HACD4: variants seen among roughly 807,000 people sequenced by gnomAD.
HACD4 encodes the protein very-long-chain (3R)-3-hydroxyacyl-CoA dehydratase 4.
A neutral mutation model predicts 33.3 loss-of-function variants in HACD4; 35 were observed. The ratio of observed to expected loss-of-function variants is 1.05; its 90% CI spans 0.80 to 1.39. The LOEUF is 1.39. Among genes scored for constraint, HACD4 ranks in the 40% most tolerant of loss-of-function variants. HACD4 has a pLI of 0.00. For missense variants in HACD4, 323 were observed against 276.5 expected, an observed-to-expected ratio of 1.17 and a Z score of -1.19; for synonymous variants, 118 against 98.0, an observed-to-expected ratio of 1.20 and a Z score of -1.21.
chr9:21,019,847 T>G (rs144502818), intron 3 of HACD4, among the ~76,000 whole-genome samples: 184 of 136,602 alleles, frequency 1.3e-3, no homozygotes, highest in Middle Eastern at 3.6e-3. Context: ...GAAAAATCTA[T>G]GTGATTTTAA....
At position 21,001,873 on chromosome 9, in the gene HACD4, AG is replaced by A. The variant is rs751395938; in HGVS notation, c.*5163del. 4 of 152,184 alleles carry A rather than the reference AG, an allele frequency of 2.6e-5. No homozygotes were observed. Among genetic ancestry groups the A allele is most frequent in the East Asian group, 1.9e-4 (1 of 5,202 alleles). 9.4% of individuals were successfully genotyped at this position (152,184 alleles called of 1,614,324 possible). ...ACCTGCCCCTGCCAGAAATGCTAAT[AG>A]GGGTCCTGCAAGTTGAAATGGAAAG... On this transcript the variant is annotated 3_prime_UTR_variant, in exon 7 of 7. Transcript: ENST00000495827.
intron 4 of HACD4, among the ~76,000 whole-genome samples, chr9:21,014,606 G>A (rs1031242911): frequency 2.6e-5 from 4 of 152,152 alleles, no homozygotes; most frequent in African/African-American, 7.2e-5. Context: ...TCTTTTATGG[G>A]TGATCAAAAT....
In HACD4 at chr9:21,008,091, G is replaced by C; in HGVS notation, c.546C>G (p.Thr182=). 1 of 1,610,896 alleles carries C rather than the reference G, an allele frequency of 6.2e-7. No homozygotes were observed. The highest frequency in any genetic ancestry group is 8.5e-7 in the Non-Finnish European group (1 of 1,178,214). The change falls in exon 6 of 7, where the codon ACC becomes ACG. Residue 182 remains threonine, a synonymous_variant. Coordinates refer to ENST00000495827, the MANE Select transcript of HACD4 (RefSeq NM_001010915.5). The stretch of plus-strand genomic sequence containing the variant: ...AGATGGATAAGTCAAAGGGCAGCTT[G>C]GTGGAATAAGTGCCAAATGATTCAA... ...PYFESFGTYS[T]KLPFDLSIYF... is the part of the protein sequence containing the mutation.
chr9:21,022,109 G>T (rs1817929613), intron 3 of HACD4, among the ~76,000 whole-genome samples: 1 of 152,142 alleles, frequency 6.6e-6, no homozygotes, highest in Non-Finnish European at 1.5e-5. Flanking sequence ...TGACAAACCT[G>T]ACAAAAACAA....
At position 21,011,712 on chromosome 9, in the gene HACD4, A is replaced by G. The variant is rs1283249508; in HGVS notation, c.384-17T>C. On this transcript the variant is annotated splice_polypyrimidine_tract_variant and intron_variant, in intron 4 of 6. Transcript: ENST00000495827. ...TAAGTGTACCTGAAAGGAGATGAGA[A>G]GCTCATAAACATCATTTTCTGCTAA... 8.6e-6 allele frequency: 12 copies of G among 1,392,874 alleles called. No homozygotes were observed. The highest frequency in any genetic ancestry group is 1.2e-5 in the Non-Finnish European group (12 of 991,622). The allele number at this position is 1,392,874 out of a possible 1,614,324, so 86.3% of individuals were successfully genotyped here. A position where few individuals can be genotyped will look rare whatever the true frequency, so the allele number is the denominator to read the frequency against.
At position 21,007,044 on chromosome 9, in the gene HACD4, T is replaced by A. The variant is rs776809605; in HGVS notation, c.692A>T (p.Lys231Met). 2.6e-6 allele frequency: 4 copies of A among 1,563,702 alleles called. No homozygotes were observed. Among genetic ancestry groups the A allele is most frequent in the African/African-American group, 2.7e-5 (2 of 73,926 alleles). Residue 231 changes from lysine (K) to methionine (M), a missense_variant, in exon 7 of 7, where the codon AAG becomes ATG. Coordinates refer to ENST00000495827, the MANE Select transcript of HACD4 (RefSeq NM_001010915.5). Reference protein sequence around the residue: ...ILGIFPIKKKKM With the variant: ...ILGIFPIKKKMM ...ACACTGGAATGCTGTACTTCACATCTTCTTTTTTTTAATGGGAAAGATTCC... is the reference window on the plus strand; with the variant it reads ...ACACTGGAATGCTGTACTTCACATCATCTTTTTTTTAATGGGAAAGATTCC...
At chr9:21,009,309 C>A (rs1369981856) in intron 5 of HACD4, among the ~76,000 whole-genome samples, 1 of 152,060 alleles carries the variant, frequency 6.6e-6, no homozygotes, top group Non-Finnish European at 1.5e-5. Context: ...TATCTCTAGA[C>A]TATTTTCTGC....
chr9:21,022,175 A>G (rs2132791978), intron 3 of HACD4, among the ~76,000 whole-genome samples: 1 of 152,184 alleles, frequency 6.6e-6, no homozygotes, highest in South Asian at 2.1e-4. Context: ...CTGGCTAGCC[A>G]TATGTAGCTG....
chr9:21,029,128 C>G (rs1313280082), intron 2 of HACD4, among the ~76,000 whole-genome samples, 167 bp downstream of exon 2: 2 of 152,162 alleles, frequency 1.3e-5, no homozygotes, highest in African/African-American at 4.8e-5. Context: ...ACTTATCCCA[C>G]CTTCCCCCTT....
At chr9:21,026,840 G>A in intron 2 of HACD4, 117 bp from the exon 3 acceptor site, 3 of 818,412 alleles carry the variant, frequency 3.7e-6, no homozygotes, top group Non-Finnish European at 3.9e-6. Flanking sequence ...CATTGTACAT[G>A]TGAAAAATTC....
chr9:21,002,853 A>G lies in HACD4; in HGVS notation c.*4184T>C, dbSNP rs1365320566. ...CTACACTGTACAAAATGAAATAGGG[A>G]TTTGGTGAACATACAGTTAAGACAG... On this transcript the variant is annotated 3_prime_UTR_variant, in exon 7 of 7. Transcript: ENST00000495827. The G allele has an allele frequency of 1.3e-5, 2 of 152,138 alleles. No individual in the cohort carries two copies. Among genetic ancestry groups the G allele is most frequent in the African/African-American group, 4.8e-5 (2 of 41,456 alleles). The allele number at this position is 152,138 out of a possible 1,614,324, so 9.4% of individuals were successfully genotyped here.
Position 21,003,445 on chromosome 9 carries a change from C to T in HACD4, c.*3592G>A, listed in dbSNP as rs1406173465. On this transcript the variant is annotated 3_prime_UTR_variant, in exon 7 of 7. Transcript: ENST00000495827. ...GCAAAGGGTTTATGTTCTCCTTGCA[C>T]ACTAAAGCTTTTCATAATTTTTCTG... 1.3e-5 allele frequency: 2 copies of T among 152,022 alleles called. No individual in the cohort carries two copies. The highest frequency in any genetic ancestry group is 2.9e-5 in the Non-Finnish European group (2 of 67,982). The allele number at this position is 152,022 out of a possible 1,614,324, so 9.4% of individuals were successfully genotyped here. A position where few individuals can be genotyped will look rare whatever the true frequency, so the allele number is the denominator to read the frequency against.
Position 21,005,232 on chromosome 9 carries a change from C to T in HACD4, c.*1805G>A, listed in dbSNP as rs1192150527. On this transcript the variant is annotated 3_prime_UTR_variant, in exon 7 of 7. Coordinates refer to ENST00000495827, the MANE Select transcript of HACD4 (RefSeq NM_001010915.5). The surrounding 1 kb of genome is among the most constrained non-coding windows in gnomAD (Gnocchi z 4.0). Reference sequence around the variant, plus strand: ...TCTCCAACCAGTGTTGAAGGAGTGCCTCGGTTTATCTTGACTGCTTAAAGT... The same window carrying T: ...TCTCCAACCAGTGTTGAAGGAGTGCTTCGGTTTATCTTGACTGCTTAAAGT... The T allele has an allele frequency of 1.3e-5, 2 of 152,104 alleles. No individual in the cohort carries two copies. The highest frequency in any genetic ancestry group is 4.8e-5 in the African/African-American group (2 of 41,416). The allele number at this position is 152,104 out of a possible 1,614,324, so 9.4% of individuals were successfully genotyped here. A position where few individuals can be genotyped will look rare whatever the true frequency, so the allele number is the denominator to read the frequency against.
In HACD4 at chr9:21,017,467, A is replaced by G. The variant is rs767433792; in HGVS notation, c.271-1457T>C. 2.6e-5 allele frequency among the ~76,000 whole-genome samples: 4 copies of G among 152,238 alleles called. No homozygotes were observed. In the South Asian group the frequency reaches 8.3e-4, roughly 32 times the overall value. On this transcript the variant is annotated intron_variant, in intron 3 of 6. Transcript: ENST00000495827. Reference sequence around the variant, plus strand: ...TTAATTTCAATAATAAATTCTACTGAACTGCAATTATAATTACTGAACAAT... The same window carrying G: ...TTAATTTCAATAATAAATTCTACTGGACTGCAATTATAATTACTGAACAAT...
intron 2 of HACD4, among the ~76,000 whole-genome samples, chr9:21,028,145 A>AG (rs1188641208): frequency 3.3e-5 from 5 of 151,112 alleles, no homozygotes; most frequent in African/African-American, 9.7e-5. Flanking sequence ...CAAAAAAAAA[A>AG]AAAAAAGAAA....
chr9:21,011,555 C>A, intron 5 of HACD4, 34 bp downstream of exon 5: 1 of 1,285,304 alleles, frequency 7.8e-7, no homozygotes, highest in South Asian at 1.2e-5. Context: ...TGGCTTTTGT[C>A]AGTAAGCAAT....
rs939000649 is a variant in HACD4 at position 21,004,373 on chromosome 9, T to C, written c.*2664A>G. 13 of 152,336 alleles carry C rather than the reference T, an allele frequency of 8.5e-5. No homozygotes were observed. Among genetic ancestry groups the C allele is most frequent in the African/African-American group, 2.6e-4 (11 of 41,580 alleles). 9.4% of individuals were successfully genotyped at this position (152,336 alleles called of 1,614,324 possible). A position where few individuals can be genotyped will look rare whatever the true frequency, so the allele number is the denominator to read the frequency against. ...GATGTTAACAAATACATGACATTAA[T>C]GAATACTCTATCAGAGCACTAGGGA... On this transcript the variant is annotated 3_prime_UTR_variant, in exon 7 of 7. Transcript: ENST00000495827. The surrounding 1 kb of genome is among the most constrained non-coding windows in gnomAD (Gnocchi z 4.6).
In HACD4 at chr9:21,005,566, T is replaced by G. The variant is rs1842249758; in HGVS notation, c.*1471A>C. On this transcript the variant is annotated 3_prime_UTR_variant, in exon 7 of 7. Coordinates refer to ENST00000495827, the MANE Select transcript of HACD4 (RefSeq NM_001010915.5). The surrounding 1 kb of genome is among the most constrained non-coding windows in gnomAD (Gnocchi z 4.0). ...GAGCTATTCAGCTGTGAATGTACAC[T>G]ATTCTTCAAGAAAAGGAGAAACTGA... 6.6e-6 allele frequency: 1 copy of G among 152,230 alleles called. No individual in the cohort carries two copies. Among genetic ancestry groups the G allele is most frequent in the Admixed American group, 6.5e-5 (1 of 15,288 alleles). The allele number at this position is 152,230 out of a possible 1,614,324, so 9.4% of individuals were successfully genotyped here. A position where few individuals can be genotyped will look rare whatever the true frequency, so the allele number is the denominator to read the frequency against.
At position 21,019,084 on chromosome 9, in the gene HACD4, A is replaced by C. The variant is rs1300735802; in HGVS notation, c.271-3074T>G. ...TATATATTCAAAAACTACCAATTACATGCTTCTATAAGACAAATGCATTTA... is the reference window on the plus strand; with the variant it reads ...TATATATTCAAAAACTACCAATTACCTGCTTCTATAAGACAAATGCATTTA... On this transcript the variant is annotated intron_variant, in intron 3 of 6. Transcript: ENST00000495827. 3.3e-5 allele frequency among the ~76,000 whole-genome samples: 5 copies of C among 152,246 alleles called. No homozygotes were observed. In the East Asian group the frequency reaches 9.6e-4, roughly 29 times the overall value.
Sources: allele counts gnomAD v4.1 joint callset (sites outside exome capture counted in the v4.1 genomes callset), GRCh38; gene constraint gnomAD v4.1.1; non-coding constraint Gnocchi (gnomAD v3.1); transcripts MANE v1.5; gene names NCBI Gene and HGNC (gene_info 2026-07-23, HGNC 2026-07-21).